Variants in NNT observed in about 807,000 individuals in gnomAD.
NNT encodes NAD(P) transhydrogenase, mitochondrial.
A neutral mutation model predicts 104.8 loss-of-function variants in NNT; 50 were observed. That is an observed-to-expected ratio of 0.48 (90% CI 0.38 to 0.60). NNT has a LOEUF of 0.60. NNT is among the 20% of genes least tolerant of loss of function. The pLI, the probability that NNT is intolerant of heterozygous loss-of-function variation, is 0.00. For missense variants in NNT, 1,131 were observed against 1,330.7 expected (o/e 0.85, Z 2.33); for synonymous variants, 461 against 490.4 (o/e 0.94, Z 0.79).
Position 43,628,338 on chromosome 5 carries a change from TC to T in NNT, c.916del (p.Gln306AsnfsTer6). The stretch of plus-strand genomic sequence containing the variant: ...TTGAAGCTGAAATGAAACTCTTTGC[TC>T]AACAATGCAAGGAGGTAGACATCCT... ...FIEAEMKLFA[Q>X]QCKEVDILIS... On this transcript the variant is annotated frameshift_variant, in exon 7 of 22. Coordinates refer to ENST00000344920, the MANE Select transcript of NNT (RefSeq NM_182977.3). LOFTEE classifies it high-confidence loss of function. 1 of 1,613,834 alleles carries T rather than the reference TC, an allele frequency of 6.2e-7. No individual in the cohort carries two copies.
intron 19 of NNT, among the ~76,000 whole-genome samples, chr5:43,687,794 C>T (rs908500246): frequency 6.6e-6 from 1 of 152,086 alleles, no homozygotes; most frequent in Non-Finnish European, 1.5e-5. Flanking sequence ...TGTCTTTATG[C>T]AGTCTGCAGC....
chr5:43,658,832 T>C (rs556549048), intron 16 of NNT, among the ~76,000 whole-genome samples: 65 of 152,218 alleles, frequency 4.3e-4, no homozygotes, highest in Non-Finnish European at 7.6e-4. Flanking sequence ...CAACAGGGGA[T>C]TGCCCTCAGT....
chr5:43,698,186 C>T (rs901683847), intron 19 of NNT, among the ~76,000 whole-genome samples: 2 of 151,456 alleles, frequency 1.3e-5, no homozygotes, highest in Non-Finnish European at 2.9e-5. Flanking sequence ...TGTATTAAGA[C>T]TGAATATATT....
chr5:43,646,996 C>T (rs1007292353), intron 10 of NNT, among the ~76,000 whole-genome samples: 5 of 152,046 alleles, frequency 3.3e-5, no homozygotes, highest in African/African-American at 1.2e-4. Context: ...GTTTCTGTCT[C>T]AAAGAATGAA....
At chr5:43,666,146 C>T (rs1435169246) in intron 17 of NNT, among the ~76,000 whole-genome samples, 20 of 151,628 alleles carry the variant, frequency 1.3e-4, no homozygotes, top group East Asian at 2.0e-4. Flanking sequence ...ACATCCCAGA[C>T]GATGGGCGGC....
At chr5:43,693,694 G>T (rs1345357527) in intron 19 of NNT, among the ~76,000 whole-genome samples, 1 of 152,036 alleles carries the variant, frequency 6.6e-6, no homozygotes, top group East Asian at 1.9e-4. Flanking sequence ...AAACAATCTT[G>T]TTTCTAGAGA....
At chr5:43,665,582 A>C (rs925289460) in intron 17 of NNT, among the ~76,000 whole-genome samples, 9 of 152,372 alleles carry the variant, frequency 5.9e-5, no homozygotes, top group African/African-American at 2.2e-4. Context: ...ATCCCAAGGC[A>C]GAAGAATTTT....
intron 19 of NNT, among the ~76,000 whole-genome samples, chr5:43,682,464 G>A (rs1048583517): frequency 1.3e-5 from 2 of 152,226 alleles, no homozygotes; most frequent in South Asian, 2.1e-4. Context: ...GCCCACCTTG[G>A]CTTCCCAGAG....
intron 5 of NNT, among the ~76,000 whole-genome samples, chr5:43,620,702 G>A (rs1027876516): frequency 1.3e-5 from 2 of 152,222 alleles, no homozygotes; most frequent in Admixed American, 1.3e-4. Context: ...TAGCAAGAAA[G>A]TGTGAGCAAA....
At chr5:43,678,678 C>T (rs2112115979) in intron 19 of NNT, among the ~76,000 whole-genome samples, 1 of 152,210 alleles carries the variant, frequency 6.6e-6, no homozygotes, top group African/African-American at 2.4e-5. Flanking sequence ...AAACCTGTGC[C>T]CTGGTTACTG....
In NNT at chr5:43,610,092, G is replaced by A. The variant is rs1011246796; in HGVS notation, c.151+746G>A. On this transcript the variant is annotated intron_variant, in intron 2 of 21. Coordinates refer to ENST00000344920, the MANE Select transcript of NNT (RefSeq NM_182977.3). ...GAGGAAGATCTGAAGTCTTCCAGTG[G>A]CCTACAAGGCCTTCCCTGATAGAAT... Among the ~76,000 whole-genome samples, 4 of 152,096 alleles carry A rather than the reference G, an allele frequency of 2.6e-5. No homozygotes were observed. In the East Asian group the frequency reaches 7.7e-4, roughly 29 times the overall value.
chr5:43,661,780 T>C (rs1413915623), intron 17 of NNT, among the ~76,000 whole-genome samples: 1 of 152,086 alleles, frequency 6.6e-6, no homozygotes, highest in African/African-American at 2.4e-5. Flanking sequence ...ATGGTGTATA[T>C]GTGCCACATT....
rs1216993898 is a variant in NNT at position 43,622,863 on chromosome 5, TG to T, written c.688-1167del. ...TGTGCGATTCTGCTTTTTTAAATTA[TG>T]GTTTTTTTTTTTTTTTGTTATGTCT... On this transcript the variant is annotated intron_variant, in intron 5 of 21. Transcript: ENST00000344920. Among the ~76,000 whole-genome samples the T allele has an allele frequency of 4.0e-5, 6 of 150,626 alleles. No individual in the cohort carries two copies. In the East Asian group the frequency reaches 7.9e-4, roughly 20 times the overall value.
intron 1 of NNT, among the ~76,000 whole-genome samples, chr5:43,607,507 T>G (rs189796877): frequency 6.6e-6 from 1 of 152,332 alleles, no homozygotes; most frequent in African/African-American, 2.4e-5. Flanking sequence ...TTGCTGACTC[T>G]CTTTTCGGAC....
intron 17 of NNT, among the ~76,000 whole-genome samples, chr5:43,672,338 C>T (rs1039234133): frequency 6.6e-6 from 1 of 152,200 alleles, no homozygotes; most frequent in Non-Finnish European, 1.5e-5. Flanking sequence ...GAGCTGCGTT[C>T]CTTTGGAGGG....
rs753978615 is a variant in NNT at position 43,659,305 on chromosome 5, A to G, written c.2589A>G (p.Ala863=). The change falls in exon 17 of 22, where the codon GCA becomes GCG. Residue 863 remains alanine, a synonymous_variant. Transcript: ENST00000344920. ...LNNNLLTIVG[A]LIGSSGAILS... ...ACAATCTGCTGACCATCGTGGGTGC[A>G]CTCATAGGCTCGTCTGGTGCTATCC... 25 of 1,613,770 alleles carry G rather than the reference A, an allele frequency of 1.5e-5. No individual in the cohort carries two copies. The highest frequency in any genetic ancestry group is 1.8e-5 in the Non-Finnish European group (21 of 1,179,992).
At chr5:43,703,230 A>T (rs998556608) in intron 21 of NNT, among the ~76,000 whole-genome samples, 4 of 152,354 alleles carry the variant, frequency 2.6e-5, no homozygotes, top group Admixed American at 2.6e-4. Flanking sequence ...GCTCATGTGT[A>T]TTCCTCCTGA....
At chr5:43,677,684 A>C in intron 18 of NNT, 41 bp from the exon 19 acceptor site, 2 of 1,564,454 alleles carry the variant, frequency 1.3e-6, no homozygotes, top group Non-Finnish European at 1.8e-6. Flanking sequence ...TAATTTCAAA[A>C]TAAAAAACAC....
intron 16 of NNT, among the ~76,000 whole-genome samples, chr5:43,657,929 G>A (rs142597869): frequency 0.066 from 10,061 of 152,184 alleles, 560 homozygotes; most frequent in African/African-American, 0.15. Flanking sequence ...GAGGTCAGGA[G>A]TTTGTGACTA....
Sources: allele counts gnomAD v4.1 joint callset (sites outside exome capture counted in the v4.1 genomes callset), GRCh38; gene constraint gnomAD v4.1.1; transcripts MANE v1.5; gene names NCBI Gene and HGNC (gene_info 2026-07-23, HGNC 2026-07-21).